The following BARD1 variants were observed in gnomAD, a reference collection of about 807,000 sequenced individuals.
The protein encoded by BARD1 is BRCA1-associated RING domain protein 1.
A neutral mutation model predicts 77.0 loss-of-function variants in BARD1; 73 were observed. The observed-to-expected ratio is 0.95, with a 90% CI of 0.79 to 1.15. The LOEUF is 1.15. Among genes scored for constraint, BARD1 ranks in the 50% most tolerant of loss-of-function variants. The probability of loss-of-function intolerance (pLI) is 0.00; values close to 1 mark genes in which losing one functional copy is unlikely to be tolerated. For synonymous variants in BARD1, 384 were observed against 338.0 expected (o/e 1.14, Z -1.49); for missense variants, 993 against 938.8 (o/e 1.06, Z -0.75).
intron 8 of BARD1, 73 bp from the exon 9 acceptor site, chr2:214,745,232 C>T (rs916903338): frequency 7.7e-7 from 1 of 1,299,164 alleles, no homozygotes; most frequent in Admixed American, 1.8e-5. Context: ...CTTCTTATAA[C>T]TCATCTATAT....
chr2:214,793,066 C>T (rs1388184880), intron 2 of BARD1, among the ~76,000 whole-genome samples: 4 of 152,148 alleles, frequency 2.6e-5, no homozygotes, highest in African/African-American at 9.7e-5. Flanking sequence ...ATCCCCCCCA[C>T]AAGCCCATCT....
At chr2:214,750,634 C>T (rs555894544) in intron 7 of BARD1, among the ~76,000 whole-genome samples, 133 of 152,178 alleles carry the variant, frequency 8.7e-4, no homozygotes, top group African/African-American at 3.1e-3. Context: ...TTCAGGTAGC[C>T]CCCCTTTCAA....
At chr2:214,785,715 GAAAA>G (rs200122586) in intron 3 of BARD1, among the ~76,000 whole-genome samples, 6 of 146,812 alleles carry the variant, frequency 4.1e-5, no homozygotes, top group Non-Finnish European at 9.0e-5. Flanking sequence ...TTCAGGCCCA[GAAAA>G]AAAAAGAAAG....
rs201128278 is a variant in BARD1 at position 214,756,253 on chromosome 2, AG to A, written c.1569-3699del. Reference sequence around the variant, plus strand: ...TTAAAAGGGTGTAGCACTAATGACCAGGAAAATGCAAATCAAAACCATATTG... The same window carrying A: ...TTAAAAGGGTGTAGCACTAATGACCAGAAAATGCAAATCAAAACCATATTG... On this transcript the variant is annotated intron_variant, in intron 6 of 10. Transcript: ENST00000260947. Among the ~76,000 whole-genome samples, 618 of 152,298 alleles carry A rather than the reference AG, an allele frequency of 4.1e-3. 6 individuals are homozygous for A. The highest frequency in any genetic ancestry group is 0.014 in the African/African-American group (563 of 41,550).
At chr2:214,741,760 A>G (rs537339975) in intron 9 of BARD1, among the ~76,000 whole-genome samples, 10 of 152,184 alleles carry the variant, frequency 6.6e-5, no homozygotes, top group Non-Finnish European at 1.3e-4. Context: ...CTGTAAAATT[A>G]TGGCTTAGTC....
rs755641562 is a variant in BARD1 at position 214,781,291 on chromosome 2, C to T, written c.583G>A (p.Ala195Thr). ...PSPPADVSER[A>T]KKASARSGKK... ...CCAGATCTTGCAGAAGCCTTTTTAG[C>T]CCTCTCAGAAACATCTGCAGGAGGA... Residue 195 changes from alanine (A) to threonine (T), a missense_variant, in exon 4 of 11, where the codon GCT becomes ACT. Physicochemically the swap from Ala to Thr is moderately conservative, Grantham distance 58. Coordinates refer to ENST00000260947, the MANE Select transcript of BARD1 (RefSeq NM_000465.4). The T allele has an allele frequency of 1.2e-6, 2 of 1,605,202 alleles. No homozygotes were observed. The highest frequency in any genetic ancestry group is 1.7e-6 in the Non-Finnish European group (2 of 1,177,824).
intron 6 of BARD1, among the ~76,000 whole-genome samples, 196 bp from the exon 7 acceptor site, chr2:214,752,751 G>A (rs1049205507): frequency 1.3e-5 from 2 of 152,026 alleles, no homozygotes; most frequent in African/African-American, 4.8e-5. Context: ...TCAGATTATA[G>A]GGATTGTTTT....
At chr2:214,774,286 G>A (rs1694646630) in intron 4 of BARD1, among the ~76,000 whole-genome samples, 1 of 152,082 alleles carries the variant, frequency 6.6e-6, no homozygotes, top group South Asian at 2.1e-4. Flanking sequence ...GATATTAATG[G>A]CATCTAGAAT....
intron 9 of BARD1, among the ~76,000 whole-genome samples, chr2:214,743,758 A>G (rs1346381981): frequency 6.6e-6 from 1 of 151,894 alleles, no homozygotes; most frequent in African/African-American, 2.4e-5. Context: ...TCATTTTTCT[A>G]TTTTTAGTAC....
chr2:214,729,290 T>C lies in BARD1; in HGVS notation c.2002-282A>G, dbSNP rs544192939. ...TTTTATACAATATCTTCAGTAATTT[T>C]GTGCATGAAACAAAATTTTGACTGT... On this transcript the variant is annotated intron_variant, in intron 10 of 10. Transcript: ENST00000260947. Among the ~76,000 whole-genome samples, 3 of 152,324 alleles carry C rather than the reference T, an allele frequency of 2.0e-5. No homozygotes were observed. The South Asian group carries it at 6.2e-4, about 32-fold the overall frequency.
chr2:214,741,497 G>A (rs1692826569), intron 9 of BARD1, among the ~76,000 whole-genome samples: 1 of 152,098 alleles, frequency 6.6e-6, no homozygotes, highest in South Asian at 2.1e-4. Context: ...AGATTCGTAA[G>A]ATGACTTATT....
chr2:214,768,801 A>C (rs1381502566), intron 5 of BARD1, among the ~76,000 whole-genome samples: 1 of 152,230 alleles, frequency 6.6e-6, no homozygotes, highest in Non-Finnish European at 1.5e-5. Context: ...TATATCTACA[A>C]TTGGATAGGG....
At chr2:214,742,034 T>G (rs569110196) in intron 9 of BARD1, among the ~76,000 whole-genome samples, 2 of 152,294 alleles carry the variant, frequency 1.3e-5, no homozygotes, top group East Asian at 3.9e-4. Context: ...AGAAATCCCA[T>G]GAAAAGTTAA....
At position 214,751,132 on chromosome 2, in the gene BARD1, TATATATATATATATATATA is replaced by T. The variant is rs1559392979; in HGVS notation, c.1677+1296_1677+1314del. Reference sequence around the variant, plus strand: ...GTGTGTGTGTGTATATATATATATATATATATATATATATATATATTTTTTTTTTTTTTTTTTTTTTTTT... The same window carrying T: ...GTGTGTGTGTGTATATATATATATATTTTTTTTTTTTTTTTTTTTTTTTTT... On this transcript the variant is annotated intron_variant, in intron 7 of 10. Transcript: ENST00000260947. Among the ~76,000 whole-genome samples the T allele has an allele frequency of 2.0e-3, 58 of 29,260 alleles. 2 individuals are homozygous for T. The highest frequency in any genetic ancestry group is 3.7e-3 in the Non-Finnish European group (38 of 10,286). 19.2% of individuals were successfully genotyped at this position (29,260 alleles called of 152,430 possible).
rs71579845 is a variant in BARD1, at chr2:214,780,531, G to C, written c.1314+29C>G. 0.021 allele frequency: 32,905 copies of C among 1,596,764 alleles called. 417 individuals are homozygous for C. The highest frequency in any genetic ancestry group is 0.027 in the Middle Eastern group (164 of 6,022). ...ATTGCTTTATAGTTGGCCTCATTCT[G>C]AGATGGTATTTCAGAGTAAGCATCC... On this transcript the variant is annotated intron_variant, in intron 4 of 10. Transcript: ENST00000260947.
At chr2:214,808,766 G>C (rs1696403301) in intron 1 of BARD1, among the ~76,000 whole-genome samples, 1 of 152,218 alleles carries the variant, frequency 6.6e-6, no homozygotes, top group African/African-American at 2.4e-5. Context: ...CCCATAATGT[G>C]ACAGCATGAA....
intron 1 of BARD1, 144 bp downstream of exon 1, chr2:214,809,268 C>T: frequency 3.5e-6 from 4 of 1,134,778 alleles, no homozygotes; most frequent in Middle Eastern, 3.9e-4. Context: ...AATACTATAT[C>T]CCCCGGCAGG....
chr2:214,784,929 G>A (rs1321043821), intron 3 of BARD1, among the ~76,000 whole-genome samples: 2 of 151,746 alleles, frequency 1.3e-5, no homozygotes, highest in Admixed American at 6.6e-5. Context: ...TAATGTACAT[G>A]ACAGGTTGAT....
chr2:214,806,213 T>C (rs1696261457), intron 1 of BARD1, among the ~76,000 whole-genome samples: 1 of 152,178 alleles, frequency 6.6e-6, no homozygotes, highest in Non-Finnish European at 1.5e-5. Flanking sequence ...CACCAGCAAG[T>C]AATGCTTGCT....
Sources: gnomAD v4.1 joint callset for allele counts (sites outside exome capture counted in the v4.1 genomes callset) on GRCh38, gnomAD v4.1.1 for gene constraint, MANE v1.5 for transcripts, NCBI Gene and HGNC (gene_info 2026-07-23, HGNC 2026-07-21) for gene names.